Variants in CNTN5 observed in about 807,000 individuals in gnomAD.
The protein encoded by CNTN5 is contactin 5.
In CNTN5, 77 loss-of-function variants were observed where a neutral mutation model predicts 129.1. The ratio of observed to expected loss-of-function variants is 0.60; its 90% CI spans 0.50 to 0.72. CNTN5 has a LOEUF of 0.72. Ranked by LOEUF, CNTN5 falls within the 30% of genes least tolerant of loss-of-function variation. The pLI is 0.00. For missense variants in CNTN5, 1,478 were observed against 1,328.8 expected, an observed-to-expected ratio of 1.11 and a Z score of -1.75; for synonymous variants, 509 against 465.6, an observed-to-expected ratio of 1.09 and a Z score of -1.20.
At chr11:99,153,089 T>C (rs1434461420) in intron 1 of CNTN5, among the ~76,000 whole-genome samples, 1 of 152,196 alleles carries the variant, frequency 6.6e-6, no homozygotes, top group Non-Finnish European at 1.5e-5. Flanking sequence ...TTCTTTTGTT[T>C]TGACATTGGA....
intron 3 of CNTN5, among the ~76,000 whole-genome samples, chr11:99,780,694 C>T (rs1381286049): frequency 3.3e-5 from 5 of 152,060 alleles, no homozygotes; most frequent in Non-Finnish European, 7.4e-5. Flanking sequence ...TATAAAAATA[C>T]TTCAAAGTGT....
At chr11:99,660,646 G>A (rs1368497353) in intron 3 of CNTN5, among the ~76,000 whole-genome samples, 1 of 152,056 alleles carries the variant, frequency 6.6e-6, no homozygotes, top group East Asian at 1.9e-4. Flanking sequence ...AGCATGACTT[G>A]TTTGAAATAA....
chr11:99,961,524 C>T (rs183175785), intron 8 of CNTN5, among the ~76,000 whole-genome samples: 1 of 152,206 alleles, frequency 6.6e-6, no homozygotes, highest in Admixed American at 6.5e-5. Context: ...GGTTGAGGAC[C>T]ATATGCCCAA....
intron 1 of CNTN5, among the ~76,000 whole-genome samples, chr11:99,147,796 C>CA (rs1342162793): frequency 6.6e-6 from 1 of 152,056 alleles, no homozygotes; most frequent in Non-Finnish European, 1.5e-5. Context: ...TTAAAAACTA[C>CA]AGAGACCTAT....
chr11:99,269,601 T>C (rs560757890), intron 1 of CNTN5, among the ~76,000 whole-genome samples: 56 of 152,018 alleles, frequency 3.7e-4, no homozygotes, highest in Non-Finnish European at 6.2e-4. Flanking sequence ...ATGTAAGGTC[T>C]TCCTTCATGT....
intron 18 of CNTN5, among the ~76,000 whole-genome samples, chr11:100,272,013 G>A (rs891771298): frequency 7.9e-5 from 12 of 152,144 alleles, no homozygotes; most frequent in Non-Finnish European, 1.6e-4. Context: ...TATCTGGTTA[G>A]ACATTTACTT....
At chr11:100,318,095 G>C (rs1047002111) in intron 21 of CNTN5, among the ~76,000 whole-genome samples, 1 of 151,872 alleles carries the variant, frequency 6.6e-6, no homozygotes, top group African/African-American at 2.4e-5. Context: ...CAAAAAATTA[G>C]CCGGGCGCGG....
chr11:100,271,262 G>T (rs201457268), intron 18 of CNTN5, 21 bp downstream of exon 18: 2 of 1,578,520 alleles, frequency 1.3e-6, no homozygotes, highest in Non-Finnish European at 1.7e-6. Flanking sequence ...GGAAGAGTCA[G>T]ATTGGATTTG....
intron 13 of CNTN5, among the ~76,000 whole-genome samples, chr11:100,182,155 A>G (rs751060308): frequency 1.4e-4 from 21 of 152,096 alleles, no homozygotes; most frequent in Non-Finnish European, 2.6e-4. Flanking sequence ...TGACCTACAT[A>G]TATATGCCAA....
chr11:99,445,048 A>G (rs1023368592), intron 2 of CNTN5, among the ~76,000 whole-genome samples: 8 of 148,322 alleles, frequency 5.4e-5, no homozygotes, highest in Admixed American at 1.4e-4. Flanking sequence ...ATATATTTAT[A>G]TATACATTTA....
chr11:99,271,072 G>A (rs1863148736), intron 1 of CNTN5, among the ~76,000 whole-genome samples: 1 of 151,896 alleles, frequency 6.6e-6, no homozygotes, highest in African/African-American at 2.4e-5. Flanking sequence ...ATGAATGAAT[G>A]AGTGTACAAA....
chr11:99,737,245 CTCAA>C (rs1249831598), intron 3 of CNTN5, among the ~76,000 whole-genome samples: 2 of 152,254 alleles, frequency 1.3e-5, no homozygotes, highest in African/African-American at 4.8e-5. Flanking sequence ...TTACCACCTT[CTCAA>C]TCAACTTACT....
At chr11:99,654,897 A>G (rs959740682) in intron 3 of CNTN5, among the ~76,000 whole-genome samples, 2 of 152,066 alleles carry the variant, frequency 1.3e-5, no homozygotes, top group African/African-American at 4.8e-5. Context: ...TGCAGCAGAA[A>G]AAAAGGTTTA....
intron 2 of CNTN5, among the ~76,000 whole-genome samples, chr11:99,495,528 C>T (rs945849547): frequency 2.0e-5 from 3 of 152,134 alleles, no homozygotes; most frequent in African/African-American, 7.2e-5. Context: ...GTTTTCATGG[C>T]TTCTGAGTAG....
At chr11:99,606,117 A>G (rs1950407371) in intron 3 of CNTN5, among the ~76,000 whole-genome samples, 1 of 21,352 alleles carries the variant, frequency 4.7e-5, no homozygotes, top group African/African-American at 1.7e-4. Context: ...CAGGAGAAGG[A>G]AATAAAGGGT....
intron 1 of CNTN5, among the ~76,000 whole-genome samples, chr11:99,251,892 T>C (rs1862125558): frequency 6.6e-6 from 1 of 152,024 alleles, no homozygotes. Flanking sequence ...ATAAATATGA[T>C]AGATAAAGGT....
At chr11:99,365,303 A>G (rs1306282483) in intron 2 of CNTN5, among the ~76,000 whole-genome samples, 3 of 152,220 alleles carry the variant, frequency 2.0e-5, no homozygotes, top group Non-Finnish European at 4.4e-5. Context: ...CATGCATAGC[A>G]TATAATAAAT....
At chr11:99,551,716 T>C (rs1023486136) in intron 2 of CNTN5, among the ~76,000 whole-genome samples, 4 of 152,178 alleles carry the variant, frequency 2.6e-5, no homozygotes, top group African/African-American at 9.6e-5. Context: ...TACAGACCTG[T>C]ACAGGATGTT....
chr11:99,639,131 A>C (rs547368195), intron 3 of CNTN5, among the ~76,000 whole-genome samples: 1 of 152,324 alleles, frequency 6.6e-6, no homozygotes, highest in East Asian at 1.9e-4. Flanking sequence ...TTCAGGCTCA[A>C]GACCACGTGG....
Sources: gnomAD v4.1 joint callset for allele counts (sites outside exome capture counted in the v4.1 genomes callset) on GRCh38, gnomAD v4.1.1 for gene constraint, MANE v1.5 for transcripts, NCBI Gene and HGNC (gene_info 2026-07-23, HGNC 2026-07-21) for gene names.